CERS6: variants seen among roughly 807,000 people sequenced by gnomAD.
CERS6 encodes the protein ceramide synthase 6.
In CERS6, 26 loss-of-function variants were observed where a neutral mutation model predicts 56.8. The observed-to-expected ratio is 0.46, with a 90% confidence interval of 0.34 to 0.63. The LOEUF (loss-of-function observed/expected upper bound fraction) is 0.63, where lower values mean the gene tolerates loss of function less well. Among genes scored for constraint, CERS6 ranks in the 30% least tolerant of loss-of-function variants. CERS6 has a pLI of 0.01. For missense variants in CERS6, 415 were observed against 467.5 expected (o/e 0.89, Z 1.04); for synonymous variants, 164 against 173.3 (o/e 0.95, Z 0.42).
chr2:168,693,334 C>G (rs1159515120), intron 5 of CERS6, among the ~76,000 whole-genome samples: 1 of 152,112 alleles, frequency 6.6e-6, no homozygotes, highest in Non-Finnish European at 1.5e-5. Context: ...TTGTCAACTG[C>G]AAAGCACTCG....
At chr2:168,517,589 C>CTG (rs1694906855) in intron 1 of CERS6, among the ~76,000 whole-genome samples, 2 of 151,624 alleles carry the variant, frequency 1.3e-5, no homozygotes, top group Admixed American at 1.3e-4. Context: ...GGAACTAAAG[C>CTG]TGTCTCTACT....
intron 1 of CERS6, among the ~76,000 whole-genome samples, chr2:168,516,950 A>G (rs553896229): frequency 6.6e-6 from 1 of 152,222 alleles, no homozygotes; most frequent in African/African-American, 2.4e-5. Context: ...CCTAAAATGG[A>G]CAAGAAAAAG....
intron 6 of CERS6, among the ~76,000 whole-genome samples, chr2:168,708,143 C>T (rs971635587): frequency 6.6e-6 from 1 of 151,946 alleles, no homozygotes; most frequent in African/African-American, 2.4e-5. Context: ...TTTTTATATT[C>T]CCTTAATGGA....
intron 4 of CERS6, among the ~76,000 whole-genome samples, chr2:168,673,258 T>C (rs1274615940): frequency 6.6e-6 from 1 of 152,218 alleles, no homozygotes; most frequent in Non-Finnish European, 1.5e-5. Context: ...TTACTCACTT[T>C]ATGAGTTTTA....
chr2:168,631,925 C>G (rs1684756378), intron 4 of CERS6, among the ~76,000 whole-genome samples: 3 of 143,096 alleles, frequency 2.1e-5, no homozygotes. Flanking sequence ...GTCTCTCTCT[C>G]TCTCGCCTAG....
At chr2:168,495,311 T>C (rs922910922) in intron 1 of CERS6, among the ~76,000 whole-genome samples, 2 of 152,202 alleles carry the variant, frequency 1.3e-5, no homozygotes, top group Non-Finnish European at 2.9e-5. Flanking sequence ...CTGTGCAACA[T>C]TCAGTCAAAA....
intron 1 of CERS6, among the ~76,000 whole-genome samples, chr2:168,512,229 G>T (rs1694802035): frequency 6.6e-6 from 1 of 152,136 alleles, no homozygotes; most frequent in Non-Finnish European, 1.5e-5. Context: ...TTTCAGTTTT[G>T]CAAGGTGAAA....
intron 1 of CERS6, among the ~76,000 whole-genome samples, chr2:168,483,440 G>A (rs1234351147): frequency 6.6e-6 from 1 of 152,110 alleles, no homozygotes; most frequent in East Asian, 1.9e-4. Flanking sequence ...GGGAGGTTGA[G>A]GGAGGGCCAA....
At chr2:168,559,755 T>TATATATATATATATATATATATATATA (rs1412617679) in intron 2 of CERS6, among the ~76,000 whole-genome samples, 1 of 14,804 alleles carries the variant, frequency 6.8e-5, no homozygotes, top group Non-Finnish European at 1.6e-4. Context: ...ATATATATAT[T>TATATATATATATATATATATATATATA]TCACCCTTAT....
intron 8 of CERS6, among the ~76,000 whole-genome samples, chr2:168,720,021 T>C (rs780664453): frequency 6.6e-5 from 10 of 151,862 alleles, no homozygotes; most frequent in Admixed American, 1.3e-4. Context: ...CTGCAGTCTC[T>C]GCCTCCCAGG....
At chr2:168,617,100 C>T (rs1684336047) in intron 3 of CERS6, among the ~76,000 whole-genome samples, 1 of 152,122 alleles carries the variant, frequency 6.6e-6, no homozygotes, top group Non-Finnish European at 1.5e-5. Flanking sequence ...CATGCAAATA[C>T]ATGGATATTA....
intron 1 of CERS6, among the ~76,000 whole-genome samples, chr2:168,511,862 A>C (rs1006736254): frequency 2.0e-5 from 3 of 152,192 alleles, no homozygotes; most frequent in African/African-American, 7.2e-5. Flanking sequence ...CACAATAGCC[A>C]AAAGGTAGAA....
intron 3 of CERS6, among the ~76,000 whole-genome samples, chr2:168,585,304 C>T (rs952546031): frequency 1.3e-5 from 2 of 152,260 alleles, no homozygotes; most frequent in African/African-American, 4.8e-5. Context: ...ATTCATCAAG[C>T]ACATATCATA....
intron 1 of CERS6, among the ~76,000 whole-genome samples, chr2:168,522,545 T>C (rs1262683133): frequency 1.3e-5 from 2 of 152,132 alleles, no homozygotes; most frequent in Admixed American, 6.5e-5. Context: ...GTGAATTTTT[T>C]TTTTTTAGAC....
intron 4 of CERS6, among the ~76,000 whole-genome samples, chr2:168,631,550 T>TTAATATTTCTATATTAAATATAATATATA (rs1684722845): frequency 2.1e-5 from 1 of 48,772 alleles, no homozygotes; most frequent in Non-Finnish European, 3.7e-5. Context: ...TATATTATAT[T>TTAATATTTCTATATTAAATATAATATATA]TTTAATATTT....
intron 3 of CERS6, among the ~76,000 whole-genome samples, chr2:168,592,811 T>C (rs183875473): frequency 2.6e-5 from 4 of 152,248 alleles, no homozygotes; most frequent in Admixed American, 2.6e-4. Flanking sequence ...CCTTTTTGGG[T>C]GTTATTATGT....
intron 1 of CERS6, among the ~76,000 whole-genome samples, chr2:168,488,741 G>A (rs62175794): frequency 2.9e-4 from 44 of 151,898 alleles, no homozygotes; most frequent in Admixed American, 5.2e-4. Context: ...AATGCTCTGG[G>A]AGTTATAATA....
At chr2:168,753,099 T>G (rs548976916) in intron 8 of CERS6, among the ~76,000 whole-genome samples, 1 of 152,338 alleles carries the variant, frequency 6.6e-6, no homozygotes, top group Admixed American at 6.5e-5. Flanking sequence ...ACATCTTGTC[T>G]TAGGCTTTTA....
chr2:168,741,976 G>A (rs1355368199), intron 8 of CERS6, among the ~76,000 whole-genome samples: 1 of 152,094 alleles, frequency 6.6e-6, no homozygotes, highest in Non-Finnish European at 1.5e-5. Flanking sequence ...TTGAGGTCCC[G>A]CCCAACTTCA....
Sources: gnomAD v4.1 joint callset for allele counts (sites outside exome capture counted in the v4.1 genomes callset) on GRCh38, gnomAD v4.1.1 for gene constraint, MANE v1.5 for transcripts, NCBI Gene and HGNC (gene_info 2026-07-23, HGNC 2026-07-21) for gene names.